The following NSG2 variants were observed in gnomAD, a reference collection of about 807,000 sequenced individuals.
The protein encoded by NSG2 is neuronal vesicle trafficking associated 2.
Under a neutral mutation model 16.9 loss-of-function variants are expected in NSG2, and 4 were observed. That is an observed-to-expected ratio of 0.24 (90% CI 0.12 to 0.54). The LOEUF (loss-of-function observed/expected upper bound fraction) is 0.54. Ranked by LOEUF, NSG2 falls within the 20% of genes least tolerant of loss-of-function variation. The pLI, the probability that NSG2 is intolerant of heterozygous loss-of-function variation, is 0.95. For synonymous variants in NSG2, 98 were observed against 88.7 expected, an observed-to-expected ratio of 1.11 and a Z score of -0.59; for missense variants, 179 against 221.1, an observed-to-expected ratio of 0.81 and a Z score of 1.21.
intron 3 of NSG2, among the ~76,000 whole-genome samples, chr5:174,099,109 G>A (rs1294324381): frequency 1.3e-5 from 2 of 152,144 alleles, no homozygotes; most frequent in Admixed American, 6.5e-5. Flanking sequence ...GATCAGGCAC[G>A]TAGGCCCCTG....
intron 2 of NSG2, among the ~76,000 whole-genome samples, chr5:174,050,145 G>A (rs1041047766): frequency 6.6e-6 from 1 of 152,198 alleles, no homozygotes; most frequent in African/African-American, 2.4e-5. Flanking sequence ...TCAGCTGTCA[G>A]CCCTTTGGTT....
intron 2 of NSG2, among the ~76,000 whole-genome samples, chr5:174,060,717 A>G (rs1179616470): frequency 6.6e-6 from 1 of 152,132 alleles, no homozygotes; most frequent in African/African-American, 2.4e-5. Flanking sequence ...TCTTCTTTCA[A>G]GCTCATTGAG....
chr5:174,088,906 G>T (rs530069367), intron 3 of NSG2, among the ~76,000 whole-genome samples: 120 of 152,220 alleles, frequency 7.9e-4, no homozygotes, highest in Non-Finnish European at 1.4e-3. Flanking sequence ...GGACAGAACA[G>T]ATGGATGCAA....
At chr5:174,055,244 C>T (rs1047593465) in intron 2 of NSG2, among the ~76,000 whole-genome samples, 3 of 152,236 alleles carry the variant, frequency 2.0e-5, no homozygotes, top group East Asian at 1.9e-4. Context: ...GGAAGTCCCC[C>T]GTAGAGGATC....
At chr5:174,068,489 G>GC (rs1760180174) in intron 3 of NSG2, among the ~76,000 whole-genome samples, 1 of 152,198 alleles carries the variant, frequency 6.6e-6, no homozygotes, top group South Asian at 2.1e-4. Context: ...TGGTGCTGGT[G>GC]CTGTGGTGGG....
intron 3 of NSG2, among the ~76,000 whole-genome samples, chr5:174,083,527 C>A (rs541628352): frequency 6.6e-6 from 1 of 152,292 alleles, no homozygotes; most frequent in East Asian, 1.9e-4. Flanking sequence ...TTCATTCTTA[C>A]GTGCATTTCA....
At chr5:174,069,690 G>T (rs996440109) in intron 3 of NSG2, among the ~76,000 whole-genome samples, 25 of 151,786 alleles carry the variant, frequency 1.6e-4, no homozygotes, top group Admixed American at 2.6e-4. Context: ...TAATTAGCTG[G>T]ATTTTGTTTG....
At chr5:174,090,948 C>T (rs1760711932) in intron 3 of NSG2, among the ~76,000 whole-genome samples, 1 of 152,114 alleles carries the variant, frequency 6.6e-6, no homozygotes, top group African/African-American at 2.4e-5. Flanking sequence ...CTAGCAGTGC[C>T]ACACATTGAA....
intron 3 of NSG2, among the ~76,000 whole-genome samples, chr5:174,087,969 T>C (rs1053212755): frequency 1.3e-5 from 2 of 152,036 alleles, no homozygotes; most frequent in East Asian, 3.9e-4. Context: ...TCTAATTCTG[T>C]CTAATTGAGG....
At chr5:174,047,202 T>C (rs942236992) in intron 2 of NSG2, among the ~76,000 whole-genome samples, 1 of 152,236 alleles carries the variant, frequency 6.6e-6, no homozygotes, top group African/African-American at 2.4e-5. Context: ...TCTTGATTAT[T>C]TTGGGAAGGT....
At chr5:174,066,989 C>CAA (rs543368373) in intron 3 of NSG2, among the ~76,000 whole-genome samples, 422 of 27,900 alleles carry the variant, frequency 0.015, 84 homozygotes, top group African/African-American at 0.033. Flanking sequence ...GACTCTGTCT[C>CAA]AAAAAAAAAA....
intron 3 of NSG2, among the ~76,000 whole-genome samples, chr5:174,101,654 C>T (rs964268570): frequency 1.2e-4 from 19 of 152,314 alleles, no homozygotes; most frequent in African/African-American, 4.1e-4. Context: ...AATAACATTC[C>T]GCTGCATGGA....
rs1273358098 is a variant in NSG2 at position 174,108,660 on chromosome 5, A to G, written c.*1155A>G. On this transcript the variant is annotated 3_prime_UTR_variant, in exon 5 of 5. Coordinates refer to ENST00000303177, the MANE Select transcript of NSG2 (RefSeq NM_015980.5). ...CGAGTTCTAGAAGCTCCTGACAAGG[A>G]GGCAGCATCCAGCCTTGACCAGGCC... The G allele has an allele frequency of 6.6e-6, 1 of 152,388 alleles. No individual in the cohort carries two copies. The highest frequency in any genetic ancestry group is 1.5e-5 in the Non-Finnish European group (1 of 68,054). The allele number at this position is 152,388 out of a possible 1,614,324, so 9.4% of individuals were successfully genotyped here.
chr5:174,106,562 G>C (rs1158858480), intron 4 of NSG2, among the ~76,000 whole-genome samples: 1 of 136,520 alleles, frequency 7.3e-6, no homozygotes, highest in African/African-American at 2.7e-5. Context: ...ATCATTACAT[G>C]AATGTTGTTA....
intron 2 of NSG2, among the ~76,000 whole-genome samples, chr5:174,048,746 C>T (rs1300646082): frequency 6.6e-6 from 1 of 152,202 alleles, no homozygotes; most frequent in Non-Finnish European, 1.5e-5. Context: ...TTTATTCTTT[C>T]CTTGAGAGAG....
intron 3 of NSG2, among the ~76,000 whole-genome samples, chr5:174,081,355 T>TC (rs879274354): frequency 1.1e-4 from 16 of 152,184 alleles, no homozygotes; most frequent in African/African-American, 3.4e-4. Context: ...GATGTTTTTT[T>TC]CCCCCCCAAA....
intron 2 of NSG2, among the ~76,000 whole-genome samples, chr5:174,051,593 A>G (rs1015875623): frequency 6.6e-6 from 1 of 152,048 alleles, no homozygotes; most frequent in African/African-American, 2.4e-5. Flanking sequence ...CCATCCATCC[A>G]TCCAGCAAGT....
chr5:174,045,913 C>T (rs1324836403), intron 1 of NSG2, 70 bp downstream of exon 1: 1 of 152,394 alleles, frequency 6.6e-6, no homozygotes, highest in Admixed American at 6.5e-5. Context: ...CCCACAACAA[C>T]CCTGTTTTGT....
At chr5:174,079,911 T>A (rs1327283612) in intron 3 of NSG2, among the ~76,000 whole-genome samples, 3 of 152,242 alleles carry the variant, frequency 2.0e-5, no homozygotes, top group African/African-American at 7.2e-5. Flanking sequence ...ATTTATGTTT[T>A]CTTCTGGTGC....
Sources: gnomAD v4.1 joint callset for allele counts (sites outside exome capture counted in the v4.1 genomes callset) on GRCh38, gnomAD v4.1.1 for gene constraint, MANE v1.5 for transcripts, NCBI Gene and HGNC (gene_info 2026-07-23, HGNC 2026-07-21) for gene names.